The following GRM3 variants were observed in gnomAD, a reference collection of about 807,000 sequenced individuals.
GRM3 encodes glutamate metabotropic receptor 3.
GRM3 carries 26 observed loss-of-function variants against 70.5 expected under a neutral mutation model. That is an observed-to-expected ratio of 0.37 (90% CI 0.27 to 0.51). The LOEUF (loss-of-function observed/expected upper bound fraction) is 0.51, where lower values mean the gene tolerates loss of function less well. Among genes scored for constraint, GRM3 ranks in the 20% least tolerant of loss-of-function variants. The pLI is 0.93. For missense variants in GRM3, 859 were observed against 1,123.8 expected (o/e 0.76, Z 3.37); for synonymous variants, 443 against 434.9 (o/e 1.02, Z -0.23).
chr7:86,786,290 C>T lies in GRM3; in HGVS notation c.498C>T (p.Ile166=). ...CAAACCTGCTGCGGCTCTTCCAGAT[C>T]CCTCAGATCAGCTACGCATCCACCA... ...QVANLLRLFQ[I]PQISYASTSA... Residue 166 remains isoleucine (I), a synonymous_variant, in exon 3 of 6, where the codon ATC becomes ATT. Transcript: ENST00000361669. The surrounding 1 kb of genome is among the most constrained non-coding windows in gnomAD (Gnocchi z 6.0). 8.1e-6 allele frequency: 13 copies of T among 1,613,646 alleles called. No individual in the cohort carries two copies. The highest frequency in any genetic ancestry group is 1.1e-5 in the Non-Finnish European group (13 of 1,179,674).
At chr7:86,837,596 A>G (rs983672825) in intron 3 of GRM3, among the ~76,000 whole-genome samples, 4 of 152,192 alleles carry the variant, frequency 2.6e-5, no homozygotes, top group African/African-American at 9.7e-5. Flanking sequence ...AATATGTGCC[A>G]TATTTATACT....
At position 86,740,937 on chromosome 7, in the gene GRM3, T is replaced by C. The variant is rs148405214; in HGVS notation, c.-140-24069T>C. On this transcript the variant is annotated intron_variant, in intron 1 of 5. Transcript: ENST00000361669. Reference sequence around the variant, plus strand: ...CGCTGAAGATGTACAGATCAACCTGTATGCATCATGTCAAATTCAACCTTT... The same window carrying C: ...CGCTGAAGATGTACAGATCAACCTGCATGCATCATGTCAAATTCAACCTTT... 1.2e-4 allele frequency among the ~76,000 whole-genome samples: 19 copies of C among 152,310 alleles called. No homozygotes were observed. The East Asian group carries it at 3.7e-3, about 29-fold the overall frequency.
chr7:86,765,188 T>C lies in GRM3; in HGVS notation c.43T>C (p.Phe15Leu), dbSNP rs1470994009. 6.2e-7 allele frequency: 1 copy of C among 1,600,246 alleles called. No individual in the cohort carries two copies. ...ACTGCAAGTTCTTACCTTAGCTTTG[T>C]TTTCAAAGGGATTTTTACTCTCTTT... ...TRLQVLTLALFSKGFLLSLGD... is the reference protein window; with the variant it reads ...TRLQVLTLALLSKGFLLSLGD... The change falls in exon 2 of 6, where the codon TTT becomes CTT. Residue 15 changes from phenylalanine (F) to leucine (L), a missense_variant. By Grantham distance (22) the Phe-to-Leu change is conservative. Coordinates refer to ENST00000361669, the MANE Select transcript of GRM3 (RefSeq NM_000840.3).
chr7:86,786,623 C>T lies in GRM3; in HGVS notation c.831C>T (p.Arg277=). The T allele has an allele frequency of 6.2e-7, 1 of 1,612,896 alleles. No individual in the cohort carries two copies. Among genetic ancestry groups the T allele is most frequent in the Admixed American group, 1.7e-5 (1 of 60,032 alleles). ...CGCGCGTCGTGGTCCTCTTCATGCG[C>T]AGCGACGACTCGCGGGAGCTCATTG... The part of the protein sequence containing the change: ...PNARVVVLFM[R]SDDSRELIAA... The change falls in exon 3 of 6, where the codon CGC becomes CGT. Residue 277 remains arginine, a synonymous_variant. Transcript: ENST00000361669. This position sits in a 1 kb window ranked among gnomAD's most constrained non-coding sequence, Gnocchi z 6.0.
chr7:86,745,739 A>C lies in GRM3; in HGVS notation c.-140-19267A>C, dbSNP rs60197987. 6.3e-3 allele frequency among the ~76,000 whole-genome samples: 952 copies of C among 152,176 alleles called. 7 individuals are homozygous for C. Among genetic ancestry groups the C allele is most frequent in the African/African-American group, 0.022 (896 of 41,524 alleles). Reference sequence around the variant, plus strand: ...TTTCTGTCATTCATGGCTAGGAGAAATTTTTAAAAGAAGGGCCACATCTCC... The same window carrying C: ...TTTCTGTCATTCATGGCTAGGAGAACTTTTTAAAAGAAGGGCCACATCTCC... On this transcript the variant is annotated intron_variant, in intron 1 of 5. Coordinates refer to ENST00000361669, the MANE Select transcript of GRM3 (RefSeq NM_000840.3).
At chr7:86,676,954 G>C (rs143606245) in intron 1 of GRM3, among the ~76,000 whole-genome samples, 58 of 152,010 alleles carry the variant, frequency 3.8e-4, no homozygotes, top group Admixed American at 9.9e-4. Context: ...CTACAGTTTA[G>C]TCCTTTACAA....
At chr7:86,855,731 C>G (rs1416311567) in intron 5 of GRM3, among the ~76,000 whole-genome samples, 1 of 152,164 alleles carries the variant, frequency 6.6e-6, no homozygotes, top group Non-Finnish European at 1.5e-5. Context: ...CCATAGAAAG[C>G]AAGCACATGA....
At chr7:86,850,253 G>A in intron 4 of GRM3, 117 bp from the exon 5 acceptor site, 2 of 669,706 alleles carry the variant, frequency 3.0e-6, no homozygotes, top group Non-Finnish European at 5.4e-6. Context: ...GCTACAATAA[G>A]GACAGAGCTG....
At chr7:86,722,088 T>C (rs1292343189) in intron 1 of GRM3, among the ~76,000 whole-genome samples, 1 of 152,104 alleles carries the variant, frequency 6.6e-6, no homozygotes, top group African/African-American at 2.4e-5. Flanking sequence ...ATTCTCAATA[T>C]TACTCAGTCA....
chr7:86,826,964 A>T (rs1383620912), intron 3 of GRM3, among the ~76,000 whole-genome samples: 1 of 152,334 alleles, frequency 6.6e-6, no homozygotes, highest in Admixed American at 6.5e-5. Context: ...AGTTCCTGAG[A>T]TGATTCTAAT....
intron 1 of GRM3, among the ~76,000 whole-genome samples, chr7:86,727,740 T>C (rs1022814336): frequency 6.6e-6 from 1 of 152,126 alleles, no homozygotes; most frequent in Non-Finnish European, 1.5e-5. Context: ...TCAGTCCCCA[T>C]ATGTATGAGT....
In GRM3 at chr7:86,857,919, TTTTA is replaced by T. The variant is rs1210447099; in HGVS notation, c.2567-6359_2567-6356del. On this transcript the variant is annotated intron_variant, in intron 5 of 5. Transcript: ENST00000361669. ...TTGAGGGAAGGAGAAGAGAGTAAATTTTTATTTTATTTTATTTTATTTTATTTTA... is the reference window on the plus strand; with the variant it reads ...TTGAGGGAAGGAGAAGAGAGTAAATTTTTTATTTTATTTTATTTTATTTTA... 1.3e-4 allele frequency among the ~76,000 whole-genome samples: 5 copies of T among 38,542 alleles called. No homozygotes were observed. In the East Asian group the frequency reaches 1.5e-3, roughly 11 times the overall value. 25.3% of individuals were successfully genotyped at this position (38,542 alleles called of 152,430 possible).
At chr7:86,788,774 C>T (rs569134039) in intron 3 of GRM3, among the ~76,000 whole-genome samples, 3 of 152,342 alleles carry the variant, frequency 2.0e-5, no homozygotes, top group African/African-American at 7.2e-5. Context: ...GAATTCAGCA[C>T]ATACTCCCCA....
intron 1 of GRM3, among the ~76,000 whole-genome samples, chr7:86,723,923 G>A (rs1030745405): frequency 2.0e-5 from 3 of 152,136 alleles, no homozygotes; most frequent in African/African-American, 4.8e-5. Flanking sequence ...TGGTAGTAAC[G>A]AATGCATTTC....
chr7:86,653,238 C>T (rs889827164), intron 1 of GRM3, among the ~76,000 whole-genome samples: 1 of 152,184 alleles, frequency 6.6e-6, no homozygotes, highest in Admixed American at 6.5e-5. Context: ...CTCTGATGGC[C>T]TTTTGTAAAC....
rs150993213 is a variant in GRM3 at position 86,685,429 on chromosome 7, T to C, written c.-141+40557T>C. Among the ~76,000 whole-genome samples, 353 of 152,300 alleles carry C rather than the reference T, an allele frequency of 2.3e-3. 2 individuals carry two copies. Among genetic ancestry groups the C allele is most frequent in the African/African-American group, 8.3e-3 (347 of 41,580 alleles). On this transcript the variant is annotated intron_variant, in intron 1 of 5. Coordinates refer to ENST00000361669, the MANE Select transcript of GRM3 (RefSeq NM_000840.3). ...GAAAAGCAAGCCCTGGTGTTCTTAGTGAGAACCTGAAACAAGCTCTGGCAC... is the reference window on the plus strand; with the variant it reads ...GAAAAGCAAGCCCTGGTGTTCTTAGCGAGAACCTGAAACAAGCTCTGGCAC...
chr7:86,800,341 A>G (rs1369894381), intron 3 of GRM3, among the ~76,000 whole-genome samples: 5 of 152,170 alleles, frequency 3.3e-5, no homozygotes, highest in Non-Finnish European at 5.9e-5. Context: ...TTACAATATC[A>G]ATAAATCCAG....
chr7:86,705,486 G>A (rs1321578323), intron 1 of GRM3, among the ~76,000 whole-genome samples: 1 of 152,006 alleles, frequency 6.6e-6, no homozygotes, highest in Non-Finnish European at 1.5e-5. Flanking sequence ...AAACGAAGCT[G>A]AGGCTGAACT....
At chr7:86,777,981 A>C (rs1404405936) in intron 2 of GRM3, among the ~76,000 whole-genome samples, 11 of 152,218 alleles carry the variant, frequency 7.2e-5, no homozygotes, top group Admixed American at 7.2e-4. Flanking sequence ...GCAGCAACTC[A>C]ATGGTTCTCT....
Sources: allele counts gnomAD v4.1 joint callset (sites outside exome capture counted in the v4.1 genomes callset), GRCh38; gene constraint gnomAD v4.1.1; non-coding constraint Gnocchi (gnomAD v3.1); transcripts MANE v1.5; gene names NCBI Gene and HGNC (gene_info 2026-07-23, HGNC 2026-07-21).